Variants in LRMDA observed in about 807,000 individuals in gnomAD.
LRMDA encodes the protein leucine-rich melanocyte differentiation-associated protein.
LRMDA carries 18 observed loss-of-function variants against 29.8 expected under a neutral mutation model. That is an observed-to-expected ratio of 0.60 (90% CI 0.42 to 0.90). LRMDA has a LOEUF of 0.90. Among genes scored for constraint, LRMDA ranks in the 40% least tolerant of loss-of-function variants. The pLI is 0.00. For synonymous variants in LRMDA, 125 were observed against 109.4 expected, an observed-to-expected ratio of 1.14 and a Z score of -0.89; for missense variants, 273 against 273.9, an observed-to-expected ratio of 1.00 and a Z score of 0.02.
At chr10:76,374,337 T>G (rs751690080) in intron 6 of LRMDA, among the ~76,000 whole-genome samples, 19 of 152,206 alleles carry the variant, frequency 1.2e-4, no homozygotes, top group Non-Finnish European at 2.4e-4. Flanking sequence ...TGAAGATGAT[T>G]ATTATACCAA....
chr10:75,806,880 A>G (rs567539665), intron 2 of LRMDA, among the ~76,000 whole-genome samples: 6 of 151,176 alleles, frequency 4.0e-5, no homozygotes, highest in Admixed American at 6.6e-5. Context: ...AGTTCTTCCT[A>G]TTCTATGTCT....
In LRMDA at chr10:76,121,866, G is replaced by T. The variant is rs560507828; in HGVS notation, c.516+63083G>T. 7.9e-5 allele frequency among the ~76,000 whole-genome samples: 12 copies of T among 152,260 alleles called. No individual in the cohort carries two copies. The South Asian group carries it at 2.5e-3, about 32-fold the overall frequency. ...TCTAAATTCTATGGTTCCCATTGGGGATCATGCATTACTTTATTCCACAAA... is the reference window on the plus strand; with the variant it reads ...TCTAAATTCTATGGTTCCCATTGGGTATCATGCATTACTTTATTCCACAAA... On this transcript the variant is annotated intron_variant, in intron 5 of 6. Transcript: ENST00000611255.
intron 2 of LRMDA, among the ~76,000 whole-genome samples, chr10:75,541,110 C>T (rs1220954927): frequency 2.0e-5 from 3 of 152,186 alleles, no homozygotes; most frequent in East Asian, 1.9e-4. Context: ...CCTAGGCAAC[C>T]GCAGCATTCA....
intron 2 of LRMDA, among the ~76,000 whole-genome samples, chr10:75,734,030 C>T (rs780184429): frequency 1.4e-4 from 22 of 152,140 alleles, no homozygotes; most frequent in Non-Finnish European, 2.6e-4. Context: ...GTTTCTACTG[C>T]GTGGGAGACA....
intron 2 of LRMDA, among the ~76,000 whole-genome samples, chr10:75,785,334 A>C (rs1843452872): frequency 9.2e-6 from 1 of 108,696 alleles, no homozygotes; most frequent in Non-Finnish European, 1.8e-5. Flanking sequence ...GTTCTGTGGA[A>C]GTCCTTGAAC....
intron 2 of LRMDA, among the ~76,000 whole-genome samples, chr10:75,733,950 T>C (rs1281258481): frequency 6.6e-6 from 1 of 152,202 alleles, no homozygotes; most frequent in Non-Finnish European, 1.5e-5. Flanking sequence ...AGAGAAGTTT[T>C]CTTTGAGAAG....
At chr10:76,045,000 T>TGCTAGTTTCC (rs1564637823) in intron 3 of LRMDA, among the ~76,000 whole-genome samples, 1 of 149,092 alleles carries the variant, frequency 6.7e-6, no homozygotes, top group Admixed American at 6.7e-5. Flanking sequence ...TGCTAGTTTT[T>TGCTAGTTTCC]CCCCTCTCTT....
At chr10:75,904,430 GTTTTGT>G (rs1263999295) in intron 2 of LRMDA, among the ~76,000 whole-genome samples, 1 of 152,028 alleles carries the variant, frequency 6.6e-6, no homozygotes, top group African/African-American at 2.4e-5. Flanking sequence ...TTTCCCCCTG[GTTTTGT>G]TTTTATTATT....
chr10:76,155,380 G>A (rs1447156726), intron 5 of LRMDA, among the ~76,000 whole-genome samples: 1 of 152,086 alleles, frequency 6.6e-6, no homozygotes, highest in East Asian at 1.9e-4. Context: ...CTCCCTAAAG[G>A]TCATCAGAGG....
At chr10:75,609,634 T>C (rs757846749) in intron 2 of LRMDA, among the ~76,000 whole-genome samples, 3 of 152,154 alleles carry the variant, frequency 2.0e-5, no homozygotes, top group African/African-American at 4.8e-5. Context: ...GTGGTAAGCA[T>C]TGTGGACAGG....
intron 6 of LRMDA, among the ~76,000 whole-genome samples, chr10:76,483,399 G>T (rs912042945): frequency 6.6e-6 from 1 of 151,902 alleles, no homozygotes; most frequent in African/African-American, 2.4e-5. Context: ...GCCAGGCAGG[G>T]CCCCATAGGG....
intron 2 of LRMDA, among the ~76,000 whole-genome samples, chr10:75,560,249 G>C (rs866655429): frequency 1.3e-5 from 2 of 151,920 alleles, no homozygotes; most frequent in Non-Finnish European, 2.9e-5. Flanking sequence ...GGTCTTTCAC[G>C]TCCCTTGTAA....
chr10:75,539,205 T>G (rs555059070), intron 2 of LRMDA, among the ~76,000 whole-genome samples: 7 of 152,234 alleles, frequency 4.6e-5, no homozygotes, highest in Non-Finnish European at 4.4e-5. Context: ...TCAAATTATT[T>G]TTCAGCAGAG....
intron 5 of LRMDA, among the ~76,000 whole-genome samples, chr10:76,297,551 C>T (rs946972547): frequency 6.6e-6 from 1 of 152,212 alleles, no homozygotes; most frequent in African/African-American, 2.4e-5. Flanking sequence ...TTCATTCCAG[C>T]TTCCTTGTGT....
chr10:75,993,719 C>G (rs150908085), intron 2 of LRMDA, among the ~76,000 whole-genome samples: 5 of 149,490 alleles, frequency 3.3e-5, no homozygotes, highest in Admixed American at 6.7e-5. Flanking sequence ...GGTGACAGAG[C>G]GAGACTTCAT....
chr10:76,227,356 C>CAA, intron 5 of LRMDA, among the ~76,000 whole-genome samples: 1 of 152,204 alleles, frequency 6.6e-6, no homozygotes, highest in Middle Eastern at 3.4e-3. Flanking sequence ...TATTCTTATG[C>CAA]AAGAGTCTTA....
At chr10:76,004,763 T>C (rs889949201) in intron 2 of LRMDA, among the ~76,000 whole-genome samples, 5 of 150,014 alleles carry the variant, frequency 3.3e-5, no homozygotes, top group Admixed American at 2.0e-4. Context: ...AGTCTCACTC[T>C]GTGGCCCAGG....
At position 75,563,547 on chromosome 10, in the gene LRMDA, G is replaced by A. The variant is rs189642113; in HGVS notation, c.131+125053G>A. Among the ~76,000 whole-genome samples, 619 of 152,266 alleles carry A rather than the reference G, an allele frequency of 4.1e-3. 6 individuals are homozygous for A. Among genetic ancestry groups the A allele is most frequent in the African/African-American group, 0.012 (480 of 41,532 alleles). Reference sequence around the variant, plus strand: ...TCTCAACTCGTCAAAGTCATTCTCCGTCCAGCTTTGTTCCGTTGCTGGTGA... The same window carrying A: ...TCTCAACTCGTCAAAGTCATTCTCCATCCAGCTTTGTTCCGTTGCTGGTGA... On this transcript the variant is annotated intron_variant, in intron 2 of 6. Coordinates refer to ENST00000611255, the MANE Select transcript of LRMDA (RefSeq NM_001305581.2).
At chr10:76,073,217 G>C (rs1848902506) in intron 5 of LRMDA, among the ~76,000 whole-genome samples, 1 of 152,028 alleles carries the variant, frequency 6.6e-6, no homozygotes, top group Non-Finnish European at 1.5e-5. Flanking sequence ...CAATGTTATG[G>C]TTTCATTAAG....
Sources: allele counts gnomAD v4.1 joint callset (sites outside exome capture counted in the v4.1 genomes callset), GRCh38; gene constraint gnomAD v4.1.1; transcripts MANE v1.5; gene names NCBI Gene and HGNC (gene_info 2026-07-23, HGNC 2026-07-21).